Variants in HS3ST5 observed in about 807,000 individuals in gnomAD.
HS3ST5 encodes the protein heparan sulfate glucosamine 3-O-sulfotransferase 5.
HS3ST5 carries 10 observed loss-of-function variants against 25.4 expected under a neutral mutation model. The observed-to-expected ratio is 0.39, with a 90% CI of 0.24 to 0.67. HS3ST5 has a LOEUF of 0.67. Among genes scored for constraint, HS3ST5 ranks in the 30% least tolerant of loss-of-function variants. The pLI is 0.44. For missense variants in HS3ST5, 324 were observed against 420.7 expected, an observed-to-expected ratio of 0.77 and a Z score of 2.01; for synonymous variants, 170 against 162.4, an observed-to-expected ratio of 1.05 and a Z score of -0.36.
intron 3 of HS3ST5, among the ~76,000 whole-genome samples, chr6:114,138,037 T>C (rs1777717299): frequency 6.6e-6 from 1 of 151,834 alleles, no homozygotes; most frequent in South Asian, 2.1e-4. Context: ...ATTTTATAGA[T>C]TAAAAAAAAA....
chr6:114,080,086 C>T (rs1284390264), intron 3 of HS3ST5, among the ~76,000 whole-genome samples: 4 of 152,160 alleles, frequency 2.6e-5, no homozygotes, highest in Non-Finnish European at 5.9e-5. Flanking sequence ...CTGCAATGTA[C>T]TTCTTAAATA....
chr6:114,138,015 A>T (rs1342967101), intron 3 of HS3ST5, among the ~76,000 whole-genome samples: 1 of 152,184 alleles, frequency 6.6e-6, no homozygotes, highest in East Asian at 1.9e-4. Flanking sequence ...TAATCTTAAA[A>T]ATAGCACTAG....
intron 2 of HS3ST5, among the ~76,000 whole-genome samples, chr6:114,207,032 T>C (rs755661583): frequency 5.3e-5 from 8 of 152,192 alleles, no homozygotes; most frequent in Non-Finnish European, 1.2e-4. Context: ...CATTCAACTG[T>C]TTCCAATAAG....
At position 114,057,519 on chromosome 6, in the gene HS3ST5, G is replaced by A. The variant is rs529073825; in HGVS notation, c.779C>T (p.Thr260Met). ...GAGCTGAAGTTCTGGCAGAGGTTCC[G>A]TGATGAGGCGATCTCCATCGACGAC... The part of the protein sequence containing the change: ...FHVVDGDRLI[T>M]EPLPELQLVE... Residue 260 changes from threonine to methionine, a missense_variant, in exon 5 of 5, where the codon ACG becomes ATG. This residue lies in a region of HS3ST5 where 203 missense variants were observed against 303.4 expected (regional missense o/e 0.67). Coordinates refer to ENST00000312719, the MANE Select transcript of HS3ST5 (RefSeq NM_153612.4). 2.6e-5 allele frequency: 42 copies of A among 1,614,190 alleles called. No individual in the cohort carries two copies. The highest frequency in any genetic ancestry group is 1.1e-4 in the South Asian group (10 of 91,088).
intron 1 of HS3ST5, among the ~76,000 whole-genome samples, chr6:114,307,710 C>T (rs1265098465): frequency 6.6e-6 from 1 of 151,902 alleles, no homozygotes; most frequent in Non-Finnish European, 1.5e-5. Flanking sequence ...ATGTGATTTG[C>T]TTTCCTTTAA....
At chr6:114,217,637 CTCTTT>C (rs1399507864) in intron 2 of HS3ST5, among the ~76,000 whole-genome samples, 2 of 152,164 alleles carry the variant, frequency 1.3e-5, no homozygotes, top group African/African-American at 4.8e-5. Flanking sequence ...TAAAGTACAT[CTCTTT>C]TAATTCCAAT....
chr6:114,253,134 G>A (rs765024682), intron 1 of HS3ST5, among the ~76,000 whole-genome samples: 10 of 152,200 alleles, frequency 6.6e-5, no homozygotes, highest in African/African-American at 9.6e-5. Flanking sequence ...GTTCAAGGCT[G>A]CAGTGAGCTA....
intron 3 of HS3ST5, among the ~76,000 whole-genome samples, chr6:114,089,890 G>A (rs1018578555): frequency 2.6e-5 from 4 of 152,080 alleles, no homozygotes; most frequent in Admixed American, 6.6e-5. Flanking sequence ...GAAAGAAAAC[G>A]TTTCTTTTAA....
At chr6:114,118,934 A>G in intron 3 of HS3ST5, among the ~76,000 whole-genome samples, 1 of 152,180 alleles carries the variant, frequency 6.6e-6, no homozygotes, top group Non-Finnish European at 1.5e-5. Flanking sequence ...CTGGTCCTGG[A>G]CTAAGACCAA....
intron 1 of HS3ST5, among the ~76,000 whole-genome samples, chr6:114,318,384 AT>A (rs1192431703): frequency 1.3e-5 from 2 of 151,866 alleles, no homozygotes; most frequent in Non-Finnish European, 2.9e-5. Flanking sequence ...TCAAATTGCT[AT>A]TTTTTTCTCC....
chr6:114,260,330 T>C (rs994728989), intron 1 of HS3ST5, among the ~76,000 whole-genome samples: 1 of 152,188 alleles, frequency 6.6e-6, no homozygotes, highest in African/African-American at 2.4e-5. Flanking sequence ...TCCTCAGAGA[T>C]ATGGACTATA....
At chr6:114,267,946 A>C (rs1315789660) in intron 1 of HS3ST5, among the ~76,000 whole-genome samples, 2 of 152,080 alleles carry the variant, frequency 1.3e-5, no homozygotes. Context: ...TAATGATTAC[A>C]AAAAAAATCT....
At chr6:114,300,298 T>A (rs901070526) in intron 1 of HS3ST5, among the ~76,000 whole-genome samples, 1 of 152,082 alleles carries the variant, frequency 6.6e-6, no homozygotes, top group African/African-American at 2.4e-5. Flanking sequence ...ATATAAAGAA[T>A]ACTTTAAATA....
intron 3 of HS3ST5, chr6:114,142,897 A>G (rs1475316988): frequency 6.6e-6 from 1 of 152,236 alleles, no homozygotes; most frequent in East Asian, 1.9e-4. Flanking sequence ...CTGCCTTAGT[A>G]CCACAGCAAT....
chr6:114,323,191 AGAAT>A (rs1395311402), intron 1 of HS3ST5, among the ~76,000 whole-genome samples: 5 of 152,298 alleles, frequency 3.3e-5, no homozygotes, highest in South Asian at 2.1e-4. Context: ...GCCATGCCCC[AGAAT>A]GAAGGGAGAC....
At chr6:114,090,634 C>T (rs1269080678) in intron 3 of HS3ST5, among the ~76,000 whole-genome samples, 2 of 152,180 alleles carry the variant, frequency 1.3e-5, no homozygotes, top group East Asian at 3.8e-4. Context: ...TGCTGCAGCC[C>T]TCCCTTCTCC....
At chr6:114,182,947 G>A (rs529481514) in intron 2 of HS3ST5, among the ~76,000 whole-genome samples, 119 of 152,254 alleles carry the variant, frequency 7.8e-4, no homozygotes, top group Admixed American at 2.2e-3. Context: ...AATTGAGTAG[G>A]AGAGGATTTG....
rs1244924457 is a variant in HS3ST5, at chr6:114,248,421, T to C, written c.-338-19643A>G. ...TAAGAAGCAAACACTAACAGTTTCT[T>C]ACATAAAGTTATGTTAGTTTTGCTA... On this transcript the variant is annotated intron_variant, in intron 1 of 4. Transcript: ENST00000312719. 3.3e-5 allele frequency among the ~76,000 whole-genome samples: 5 copies of C among 151,870 alleles called. No individual in the cohort carries two copies. In the East Asian group the frequency reaches 9.7e-4, roughly 29 times the overall value.
At chr6:114,279,001 C>G (rs1335616836) in intron 1 of HS3ST5, among the ~76,000 whole-genome samples, 7 of 151,984 alleles carry the variant, frequency 4.6e-5, no homozygotes, top group Non-Finnish European at 8.8e-5. Flanking sequence ...ATCAATTCCA[C>G]TTAGATAAAT....
Sources: gnomAD v4.1 joint callset for allele counts (sites outside exome capture counted in the v4.1 genomes callset) on GRCh38, gnomAD v4.1.1 for gene constraint, gnomAD v4.1.1 regional missense constraint, MANE v1.5 for transcripts, NCBI Gene and HGNC (gene_info 2026-07-23, HGNC 2026-07-21) for gene names.